The following TGIF2 variants were observed in gnomAD, a reference collection of about 807,000 sequenced individuals.
The protein encoded by TGIF2 is TGFB induced factor homeobox 2, also known as homeobox protein TGIF2.
In TGIF2, 5 loss-of-function variants were observed where a neutral mutation model predicts 15.1. The observed-to-expected ratio is 0.33, with a 90% CI of 0.17 to 0.70. TGIF2 has a LOEUF of 0.70. Ranked by LOEUF, TGIF2 falls within the 30% of genes least tolerant of loss-of-function variation. The pLI is 0.67. For synonymous variants in TGIF2, 131 were observed against 128.9 expected (o/e 1.02, Z -0.11); for missense variants, 264 against 302.5 (o/e 0.87, Z 0.94).
Position 36,591,623 on chromosome 20 carries a change from T to G in TGIF2, c.*192T>G. On this transcript the variant is annotated 3_prime_UTR_variant, in exon 3 of 3. Transcript: ENST00000373872. This position sits in a 1 kb window ranked among gnomAD's most constrained non-coding sequence, Gnocchi z 5.3. ...GATGGGGGCCCTCTCCTCTGCTGAC[T>G]CTGCCGTTTCTCCAGGCCTCCGCTC... 1.7e-6 allele frequency: 1 copy of G among 580,130 alleles called. No individual in the cohort carries two copies. The highest frequency in any genetic ancestry group is 2.9e-6 in the Non-Finnish European group (1 of 339,018). The allele number at this position is 580,130 out of a possible 1,614,324, so 35.9% of individuals were successfully genotyped here. A position where few individuals can be genotyped will look rare whatever the true frequency, so the allele number is the denominator to read the frequency against.
At chr20:36,586,103 G>A (rs937035734) in intron 2 of TGIF2, among the ~76,000 whole-genome samples, 13 of 152,216 alleles carry the variant, frequency 8.5e-5, no homozygotes, top group Admixed American at 3.9e-4. Context: ...GGATGTAGGA[G>A]CTGCTCTCCT....
intron 2 of TGIF2, among the ~76,000 whole-genome samples, chr20:36,590,124 T>A (rs2038739752): frequency 6.6e-6 from 1 of 152,046 alleles, no homozygotes; most frequent in Non-Finnish European, 1.5e-5. Context: ...AACAGCTGAT[T>A]TTTTTGTATT....
At chr20:36,584,980 T>A (rs1028088981) in intron 2 of TGIF2, among the ~76,000 whole-genome samples, 1 of 152,102 alleles carries the variant, frequency 6.6e-6, no homozygotes, top group Non-Finnish European at 1.5e-5. Context: ...ACGGATCACC[T>A]GGGGTTGGAA....
intron 2 of TGIF2, among the ~76,000 whole-genome samples, chr20:36,589,105 T>C (rs943224299): frequency 5.9e-5 from 9 of 152,266 alleles, no homozygotes; most frequent in Non-Finnish European, 1.3e-4. Context: ...CTAATCCTTA[T>C]GTCTCAGCCT....
intron 1 of TGIF2, among the ~76,000 whole-genome samples, chr20:36,576,529 G>C (rs1030649843): frequency 1.3e-5 from 2 of 152,102 alleles, no homozygotes; most frequent in African/African-American, 4.8e-5. Context: ...CTCACAAGAG[G>C]GGGTGGGGAG....
At position 36,591,199 on chromosome 20, in the gene TGIF2, G is replaced by T; in HGVS notation, c.482G>T (p.Gly161Val). 1 of 1,614,188 alleles carries T rather than the reference G, an allele frequency of 6.2e-7. No homozygotes were observed. ...TCTCCCAAGCCCCTGGTGACCCCTGGTAGCACACTTACTCTGCTGACCAGG... is the reference window on the plus strand; with the variant it reads ...TCTCCCAAGCCCCTGGTGACCCCTGTTAGCACACTTACTCTGCTGACCAGG... ...LESPKPLVTP[G>V]STLTLLTRAE... The change falls in exon 3 of 3, where the codon GGT (glycine) becomes GTT (valine). Residue 161 changes from glycine to valine, a missense_variant. Coordinates refer to ENST00000373872, the MANE Select transcript of TGIF2 (RefSeq NM_021809.7). This position sits in a 1 kb window ranked among gnomAD's most constrained non-coding sequence, Gnocchi z 5.3.
chr20:36,587,117 C>G (rs751316865), intron 2 of TGIF2, among the ~76,000 whole-genome samples: 5 of 152,206 alleles, frequency 3.3e-5, no homozygotes, highest in African/African-American at 7.2e-5. Flanking sequence ...CTTTTCCTGA[C>G]TTAGGCACAG....
upstream of TGIF2, chr20:36,573,550 G>C (rs547886936): frequency 2.0e-5 from 3 of 151,692 alleles, no homozygotes; most frequent in Admixed American, 6.6e-5. Context: ...CCGGGCGGGT[G>C]GGGGAGGGCG....
intron 2 of TGIF2, among the ~76,000 whole-genome samples, chr20:36,587,052 T>G (rs1469646576): frequency 6.6e-6 from 1 of 152,208 alleles, no homozygotes; most frequent in Non-Finnish European, 1.5e-5. Context: ...GAGTTCACTT[T>G]GACCTTCTTC....
intron 2 of TGIF2, among the ~76,000 whole-genome samples, chr20:36,580,329 GTC>G (rs954626795): frequency 6.6e-6 from 1 of 152,166 alleles, no homozygotes; most frequent in African/African-American, 2.4e-5. Context: ...GTTAATCCAA[GTC>G]TCTGTATGAG....
chr20:36,586,231 T>C (rs983378756), intron 2 of TGIF2, among the ~76,000 whole-genome samples: 12 of 152,152 alleles, frequency 7.9e-5, no homozygotes, highest in Admixed American at 3.3e-4. Flanking sequence ...CTTTTTGGCT[T>C]AAATAAAGGG....
chr20:36,592,894 A>T lies in TGIF2; in HGVS notation c.*1463A>T, dbSNP rs1173467243. 1 of 152,172 alleles carries T rather than the reference A, an allele frequency of 6.6e-6. No individual in the cohort carries two copies. The highest frequency in any genetic ancestry group is 1.5e-5 in the Non-Finnish European group (1 of 68,128). The allele number at this position is 152,172 out of a possible 1,614,324, so 9.4% of individuals were successfully genotyped here. On this transcript the variant is annotated 3_prime_UTR_variant, in exon 3 of 3. Coordinates refer to ENST00000373872, the MANE Select transcript of TGIF2 (RefSeq NM_021809.7). Reference sequence around the variant, plus strand: ...GAGTGCAGTGGTGCGATCTCAGCTCACTGTAACCTCCGCCTCCCGGGTTCA... The same window carrying T: ...GAGTGCAGTGGTGCGATCTCAGCTCTCTGTAACCTCCGCCTCCCGGGTTCA...
chr20:36,574,439 T>TGGGGGGGGGGGGGG (rs1237948383), intron 1 of TGIF2: 2 of 7,992 alleles, frequency 2.5e-4, no homozygotes, highest in Admixed American at 2.8e-3. Flanking sequence ...GGCGCAGGGC[T>TGGGGGGGGGGGGGG]GGGGGGGGGG....
In TGIF2 at chr20:36,591,367, A is replaced by G. The variant is rs1423695182; in HGVS notation, c.650A>G (p.Gln217Arg). The G allele has an allele frequency of 6.2e-7, 1 of 1,614,100 alleles. No homozygotes were observed. Among genetic ancestry groups the G allele is most frequent in the Non-Finnish European group, 8.5e-7 (1 of 1,180,048 alleles). Residue 217 changes from glutamine (Q) to arginine (R), a missense_variant, in exon 3 of 3, where the codon CAG becomes CGG. Physicochemically the swap from Gln to Arg is conservative, Grantham distance 43 (BLOSUM62 1). Coordinates refer to ENST00000373872, the MANE Select transcript of TGIF2 (RefSeq NM_021809.7). The surrounding 1 kb of genome is among the most constrained non-coding windows in gnomAD (Gnocchi z 5.3). ...QRAAEMELQK[Q>R]QDPSLPLLHT... ...GCTGCTGAGATGGAGCTTCAGAAGC[A>G]GCAGGACCCATCACTCCCATTACTG...
chr20:36,580,144 C>T (rs183812279), intron 2 of TGIF2, among the ~76,000 whole-genome samples: 6 of 152,240 alleles, frequency 3.9e-5, no homozygotes, highest in Admixed American at 3.3e-4. Context: ...TCTCTTTCCC[C>T]CTCTGTCCTT....
chr20:36,589,803 C>A (rs1287592532), intron 2 of TGIF2, among the ~76,000 whole-genome samples: 2 of 152,182 alleles, frequency 1.3e-5, no homozygotes, highest in Non-Finnish European at 2.9e-5. Flanking sequence ...ATCCTATCAC[C>A]TCAGCCTCGC....
intron 2 of TGIF2, among the ~76,000 whole-genome samples, chr20:36,585,494 CA>C (rs73622038): frequency 0.032 from 4,646 of 146,376 alleles, 144 homozygotes; most frequent in Admixed American, 0.094. Context: ...AAAAACTCCA[CA>C]AAAGTAAGAG....
In TGIF2 at chr20:36,592,367, A is replaced by G. The variant is rs1191434394; in HGVS notation, c.*936A>G. 1 of 152,092 alleles carries G rather than the reference A, an allele frequency of 6.6e-6. No individual in the cohort carries two copies. Among genetic ancestry groups the G allele is most frequent in the African/African-American group, 2.4e-5 (1 of 41,420 alleles). The allele number at this position is 152,092 out of a possible 1,614,324, so 9.4% of individuals were successfully genotyped here. ...TTTTTTGGGTGGGTGGGGGAAGTAA[A>G]CTAGACTGAAGCGATGGATTTTTTT... On this transcript the variant is annotated 3_prime_UTR_variant, in exon 3 of 3. Coordinates refer to ENST00000373872, the MANE Select transcript of TGIF2 (RefSeq NM_021809.7).
intron 2 of TGIF2, among the ~76,000 whole-genome samples, chr20:36,583,887 ACT>A (rs1600775603): frequency 1.3e-5 from 2 of 151,754 alleles, no homozygotes; most frequent in East Asian, 1.9e-4. Flanking sequence ...ACAGACTGAG[ACT>A]CTGTCTCAAA....
Sources: allele counts gnomAD v4.1 joint callset (sites outside exome capture counted in the v4.1 genomes callset), GRCh38; gene constraint gnomAD v4.1.1; non-coding constraint Gnocchi (gnomAD v3.1); transcripts MANE v1.5; gene names NCBI Gene and HGNC (gene_info 2026-07-23, HGNC 2026-07-21).